The following NDUFAF6 variants were observed in gnomAD, a reference collection of about 807,000 sequenced individuals.
NDUFAF6 encodes NADH:ubiquinone oxidoreductase complex assembly factor 6.
In NDUFAF6, 45 loss-of-function variants were observed where a neutral mutation model predicts 40.8. That is an observed-to-expected ratio of 1.10 (90% CI 0.87 to 1.42). NDUFAF6 has a LOEUF of 1.42. NDUFAF6 is among the 40% of genes most tolerant of loss of function. The probability of loss-of-function intolerance (pLI) is 0.00; values close to 1 mark genes in which losing one functional copy is unlikely to be tolerated. For synonymous variants in NDUFAF6, 185 were observed against 155.9 expected (o/e 1.19, Z -1.39); for missense variants, 435 against 418.5 (o/e 1.04, Z -0.34).
intron 2 of NDUFAF6, among the ~76,000 whole-genome samples, chr8:94,983,598 G>A (rs1466925875): frequency 6.6e-6 from 1 of 152,024 alleles, no homozygotes; most frequent in Admixed American, 6.6e-5. Flanking sequence ...CCCAAATCTT[G>A]TACTGGTATT....
chr8:94,997,825 G>T (rs1826523531), intron 2 of NDUFAF6, among the ~76,000 whole-genome samples: 1 of 152,214 alleles, frequency 6.6e-6, no homozygotes, highest in African/African-American at 2.4e-5. Flanking sequence ...GAAGAAGAAC[G>T]TTGTTCTCTA....
At chr8:95,086,148 T>C (rs1482955831) in intron 2 of NDUFAF6, among the ~76,000 whole-genome samples, 1 of 152,014 alleles carries the variant, frequency 6.6e-6, no homozygotes, top group Non-Finnish European at 1.5e-5. Context: ...TGTCTACCCA[T>C]GGCCAAAACA....
chr8:94,950,024 A>C (rs1822441458), intron 2 of NDUFAF6: 1 of 151,914 alleles, frequency 6.6e-6, no homozygotes, highest in Non-Finnish European at 1.5e-5. Flanking sequence ...CACGCTCTGG[A>C]TTCCGCCTGC....
At chr8:95,073,842 C>A (rs1382510214) in intron 9 of NDUFAF6, among the ~76,000 whole-genome samples, 1 of 152,138 alleles carries the variant, frequency 6.6e-6, no homozygotes, top group African/African-American at 2.4e-5. Context: ...GCCAACCAAT[C>A]CCAACCTGAT....
At chr8:95,080,418 G>A (rs1334408470), downstream of NDUFAF6, among the ~76,000 whole-genome samples, 2 of 119,918 alleles carry the variant, frequency 1.7e-5, no homozygotes, top group Admixed American at 8.7e-5. Flanking sequence ...AGTGATTTTT[G>A]TAGTGTATTT....
intron 9 of NDUFAF6, among the ~76,000 whole-genome samples, chr8:95,075,141 T>A (rs974315451): frequency 6.6e-6 from 1 of 152,086 alleles, no homozygotes; most frequent in African/African-American, 2.4e-5. Context: ...AACAGACAAA[T>A]GAAAGAGCTC....
At chr8:95,046,547 C>T (rs1272292087) in intron 5 of NDUFAF6, among the ~76,000 whole-genome samples, 2 of 152,152 alleles carry the variant, frequency 1.3e-5, no homozygotes, top group African/African-American at 4.8e-5. Context: ...AAGAATAATA[C>T]AAGTCCCCAT....
chr8:95,048,455 A>C lies in NDUFAF6; in HGVS notation c.715-2A>C. ...TAATATAATGTATATTTCCCCACAC[A>C]GCATGGTGTTTCACAAGAGGACTTT... On this transcript the variant is annotated splice_acceptor_variant, in intron 6 of 8. Transcript: ENST00000396124. LOFTEE classifies it high-confidence loss of function. 1.2e-6 allele frequency: 2 copies of C among 1,608,126 alleles called. No individual in the cohort carries two copies. The highest frequency in any genetic ancestry group is 8.5e-7 in the Non-Finnish European group (1 of 1,174,532).
At chr8:94,954,465 G>C (rs1236120113), upstream of NDUFAF6, among the ~76,000 whole-genome samples, 1 of 152,194 alleles carries the variant, frequency 6.6e-6, no homozygotes, top group African/African-American at 2.4e-5. Flanking sequence ...CCATCTAGTA[G>C]AGGAGATACA....
intron 1 of NDUFAF6, among the ~76,000 whole-genome samples, chr8:94,967,030 A>C (rs535987284): frequency 6.6e-6 from 1 of 152,312 alleles, no homozygotes; most frequent in East Asian, 1.9e-4. Flanking sequence ...AAAGGAATGG[A>C]AATTGGATAG....
chr8:95,082,910 C>A (rs1460745493), intron 2 of NDUFAF6, among the ~76,000 whole-genome samples: 1 of 152,104 alleles, frequency 6.6e-6, no homozygotes, highest in East Asian at 1.9e-4. Flanking sequence ...TCCCCCGCCT[C>A]GGCCTCCCAA....
At chr8:95,074,343 T>TGACTTGTGC (rs992758608) in intron 9 of NDUFAF6, among the ~76,000 whole-genome samples, 1 of 152,172 alleles carries the variant, frequency 6.6e-6, no homozygotes, top group Non-Finnish European at 1.5e-5. Context: ...TTTTCGTTAC[T>TGACTTGTGC]GACTTGTGCG....
At position 95,065,246 on chromosome 8, in the gene NDUFAF6, T is replaced by A. The variant is rs1832674136; in HGVS notation, c.*512-10387T>A. Among the ~76,000 whole-genome samples, 4 of 152,178 alleles carry A rather than the reference T, an allele frequency of 2.6e-5. 1 individual carries two copies. In the South Asian group the frequency reaches 8.3e-4, roughly 31 times the overall value. On this transcript the variant is annotated intron_variant and NMD_transcript_variant, in intron 9 of 9. Transcript: ENST00000520757. ...AAAACAACCTTGGGCATGCAATTGG[T>A]ATGGGAAATAGGGAGCAGTCTTGGG...
chr8:94,932,433 A>G (rs142381566), intron 1 of NDUFAF6, among the ~76,000 whole-genome samples: 265 of 152,366 alleles, frequency 1.7e-3, no homozygotes, highest in African/African-American at 6.2e-3. Context: ...CTAAGAAAAC[A>G]GATATTTACT....
chr8:94,955,857 A>G (rs1563746190), upstream of NDUFAF6, among the ~76,000 whole-genome samples: 1 of 152,222 alleles, frequency 6.6e-6, no homozygotes, highest in Non-Finnish European at 1.5e-5. Flanking sequence ...GTTTAAAACC[A>G]TAGTTTGGAA....
intron 1 of NDUFAF6, among the ~76,000 whole-genome samples, chr8:94,936,789 G>A (rs1055273149): frequency 2.0e-5 from 3 of 152,136 alleles, no homozygotes. Flanking sequence ...ATCTCCGTGT[G>A]CTCCCTGGAG....
At chr8:94,897,912 T>C (rs1479311949) in intron 1 of NDUFAF6, among the ~76,000 whole-genome samples, 1 of 152,192 alleles carries the variant, frequency 6.6e-6, no homozygotes, top group Non-Finnish European at 1.5e-5. Flanking sequence ...GGGTAAATGC[T>C]GATTTGAATT....
chr8:94,960,693 A>G (rs1823492369), intron 1 of NDUFAF6, among the ~76,000 whole-genome samples: 1 of 152,172 alleles, frequency 6.6e-6, no homozygotes, highest in Non-Finnish European at 1.5e-5. Context: ...TTTTGAGACC[A>G]TGTATGTTTA....
intron 8 of NDUFAF6, among the ~76,000 whole-genome samples, chr8:95,054,943 T>A (rs965161033): frequency 5.3e-5 from 8 of 152,278 alleles, no homozygotes; most frequent in Admixed American, 5.2e-4. Context: ...GTATGGTATA[T>A]TCTTCATAGA....
Sources: allele counts gnomAD v4.1 joint callset (sites outside exome capture counted in the v4.1 genomes callset), GRCh38; gene constraint gnomAD v4.1.1; transcripts MANE v1.5; gene names NCBI Gene and HGNC (gene_info 2026-07-23, HGNC 2026-07-21).